TENM3: variants seen among roughly 807,000 people sequenced by gnomAD.
The protein encoded by TENM3 is teneurin transmembrane protein 3.
A neutral mutation model predicts 255.1 loss-of-function variants in TENM3; 63 were observed. That is an observed-to-expected ratio of 0.25 (90% CI 0.20 to 0.30). The LOEUF (loss-of-function observed/expected upper bound fraction) is 0.30, where lower values mean the gene tolerates loss of function less well. Among genes scored for constraint, TENM3 ranks in the 10% least tolerant of loss-of-function variants. TENM3 has a pLI of 1.00. For missense variants in TENM3, 2,929 were observed against 3,461.1 expected (o/e 0.85, Z 3.86); for synonymous variants, 1,306 against 1,322.3 (o/e 0.99, Z 0.27).
At chr4:182,121,144 G>A in the TENM3 span, among the ~76,000 whole-genome samples, 5 of 151,928 alleles carry the variant, frequency 3.3e-5, no homozygotes, top group South Asian at 2.1e-4. Context: ...GATTACAGGC[G>A]CCCACACGAC....
At chr4:182,292,824 G>A (rs548163630) in intron 1 of TENM3, among the ~76,000 whole-genome samples, 2 of 152,274 alleles carry the variant, frequency 1.3e-5, no homozygotes, top group East Asian at 3.9e-4. Flanking sequence ...AGTACATTAG[G>A]CCCAGGTGGT....
the TENM3 span, among the ~76,000 whole-genome samples, chr4:181,964,493 G>C: frequency 6.6e-6 from 1 of 151,794 alleles, no homozygotes; most frequent in Admixed American, 6.6e-5. Flanking sequence ...TGTCTGTGTA[G>C]TACAGTAGCA....
chr4:182,719,252 CTTTTTTTTTTTTTTTTT>C (rs11348241), intron 13 of TENM3, among the ~76,000 whole-genome samples: 31 of 80,822 alleles, frequency 3.8e-4, no homozygotes, highest in Non-Finnish European at 4.7e-4. Flanking sequence ...TTTTTTTTTT[CTTTTTTTTTTTTTTTTT>C]TTTTTTTTTT....
Position 182,161,708 on chromosome 4 carries a change from T to C in TENM3, c.-76+16954T>C, listed in dbSNP as rs1339394280. ...ATACACAAATATATATGTATATATA[T>C]ACATATATATGTGTATATATATATA... On this transcript the variant is annotated intron_variant, in intron 1 of 2. Coordinates refer to the TENM3 transcript ENST00000512480. 2.9e-4 allele frequency among the ~76,000 whole-genome samples: 20 copies of C among 68,836 alleles called. 3 individuals carry two copies. In the South Asian group the frequency reaches 4.2e-3, roughly 15 times the overall value. The allele number at this position is 68,836 out of a possible 152,430, so 45.2% of individuals were successfully genotyped here.
At chr4:181,851,366 A>G in the TENM3 span, among the ~76,000 whole-genome samples, 1 of 152,172 alleles carries the variant, frequency 6.6e-6, no homozygotes, top group Non-Finnish European at 1.5e-5. Context: ...TACCCAGCAT[A>G]GAAATACACC....
chr4:182,110,349 G>C, the TENM3 span, among the ~76,000 whole-genome samples: 1 of 151,782 alleles, frequency 6.6e-6, no homozygotes, highest in African/African-American at 2.4e-5. Context: ...TATTGAGACA[G>C]GGTCTCGCTC....
the TENM3 span, among the ~76,000 whole-genome samples, chr4:181,849,800 G>A: frequency 1.3e-5 from 2 of 152,060 alleles, no homozygotes; most frequent in Non-Finnish European, 2.9e-5. Context: ...AATCTCTATA[G>A]TTCTGCCATG....
chr4:182,725,857 C>T (rs376251570), intron 13 of TENM3, among the ~76,000 whole-genome samples: 55 of 152,014 alleles, frequency 3.6e-4, no homozygotes, highest in African/African-American at 1.3e-3. Flanking sequence ...AGGCTGGTCT[C>T]GAACTCCTTA....
At chr4:181,867,176 C>G in the TENM3 span, among the ~76,000 whole-genome samples, 1 of 152,158 alleles carries the variant, frequency 6.6e-6, no homozygotes, top group Admixed American at 6.6e-5. Context: ...CGAATTGTTA[C>G]GAGTGACTTA....
At chr4:182,683,186 C>T (rs116220961) in intron 11 of TENM3, among the ~76,000 whole-genome samples, 6,345 of 152,040 alleles carry the variant, frequency 0.042, 194 homozygotes, top group Middle Eastern at 0.068. Flanking sequence ...CTATATGCCT[C>T]AGTTTACTCA....
At chr4:181,865,405 A>C in the TENM3 span, among the ~76,000 whole-genome samples, 1 of 152,176 alleles carries the variant, frequency 6.6e-6, no homozygotes, top group African/African-American at 2.4e-5. Context: ...ATGGCCCTTC[A>C]GGGGACAAAG....
the TENM3 span, among the ~76,000 whole-genome samples, chr4:182,019,846 T>G: frequency 2.6e-5 from 4 of 152,020 alleles, no homozygotes; most frequent in Non-Finnish European, 5.9e-5. Flanking sequence ...TGTACTTTTT[T>G]GTAGAGACGA....
chr4:181,526,210 C>T, the TENM3 span, among the ~76,000 whole-genome samples: 38 of 151,302 alleles, frequency 2.5e-4, no homozygotes, highest in African/African-American at 7.8e-4. Context: ...TCTAAGAAGA[C>T]GAGTTCTATG....
chr4:181,463,930 C>G, the TENM3 span, among the ~76,000 whole-genome samples: 1 of 152,134 alleles, frequency 6.6e-6, no homozygotes, highest in Non-Finnish European at 1.5e-5. Flanking sequence ...GGCCTTTTGA[C>G]TTAGCATAAT....
chr4:182,068,235 G>T, the TENM3 span, among the ~76,000 whole-genome samples: 1 of 152,182 alleles, frequency 6.6e-6, no homozygotes. Context: ...GGAGCCAGGA[G>T]AGTGAGCAGG....
At chr4:182,056,964 C>T in the TENM3 span, among the ~76,000 whole-genome samples, 1 of 151,234 alleles carries the variant, frequency 6.6e-6, no homozygotes, top group African/African-American at 2.4e-5. Flanking sequence ...CTTTGTCTTC[C>T]TGCTTCGTTT....
intron 3 of TENM3, among the ~76,000 whole-genome samples, chr4:182,456,075 G>A (rs1411861836): frequency 6.6e-6 from 1 of 152,138 alleles, no homozygotes; most frequent in East Asian, 1.9e-4. Flanking sequence ...TATTCCATAA[G>A]TCTCGAATGC....
chr4:182,347,558 A>C (rs1035487984), intron 3 of TENM3, among the ~76,000 whole-genome samples: 2 of 152,230 alleles, frequency 1.3e-5, no homozygotes, highest in African/African-American at 4.8e-5. Context: ...TCCACACACA[A>C]AAATTGGATT....
chr4:181,800,795 T>A, the TENM3 span, among the ~76,000 whole-genome samples: 1 of 152,168 alleles, frequency 6.6e-6, no homozygotes, highest in Non-Finnish European at 1.5e-5. Flanking sequence ...TTATTTATAT[T>A]AAGCACTGAG....
Sources: allele counts gnomAD v4.1 joint callset (sites outside exome capture counted in the v4.1 genomes callset), GRCh38; gene constraint gnomAD v4.1.1; transcripts MANE v1.5; gene names NCBI Gene and HGNC (gene_info 2026-07-23, HGNC 2026-07-21).